ARID4B: variants seen among roughly 807,000 people sequenced by gnomAD.
The protein encoded by ARID4B is AT-rich interaction domain 4B.
ARID4B carries 26 observed loss-of-function variants against 147.5 expected under a neutral mutation model. The observed-to-expected ratio is 0.18, with a 90% confidence interval of 0.13 to 0.24. The LOEUF (loss-of-function observed/expected upper bound fraction) is 0.24. Ranked by LOEUF, ARID4B falls within the 10% of genes least tolerant of loss-of-function variation. The pLI is 1.00. For missense variants in ARID4B, 1,179 were observed against 1,511.5 expected, an observed-to-expected ratio of 0.78 and a Z score of 3.65; for synonymous variants, 512 against 507.9, an observed-to-expected ratio of 1.01 and a Z score of -0.11.
At chr1:235,186,441 C>T (rs767615427) in intron 19 of ARID4B, among the ~76,000 whole-genome samples, 4 of 150,584 alleles carry the variant, frequency 2.7e-5, no homozygotes, top group African/African-American at 9.8e-5. Context: ...GACAGAGTCT[C>T]GCTCTGTTGC....
intron 19 of ARID4B, among the ~76,000 whole-genome samples, chr1:235,186,751 G>T (rs1664712585): frequency 2.0e-5 from 3 of 147,240 alleles, no homozygotes; most frequent in East Asian, 4.1e-4. Context: ...TTTGAGACAG[G>T]GTCTCTCTCT....
intron 2 of ARID4B, among the ~76,000 whole-genome samples, chr1:235,287,089 G>GT (rs1460969074): frequency 6.6e-6 from 1 of 152,064 alleles, no homozygotes; most frequent in Non-Finnish European, 1.5e-5. Flanking sequence ...GTGAAACCCT[G>GT]TCTCTACTAA....
At chr1:235,183,635 C>T (rs933519308) in intron 19 of ARID4B, among the ~76,000 whole-genome samples, 1 of 152,214 alleles carries the variant, frequency 6.6e-6, no homozygotes, top group African/African-American at 2.4e-5. Context: ...CTCCTAGGCT[C>T]AAGAGATCCT....
chr1:235,236,833 A>AAAAATATATATATAT (rs1175189621), intron 8 of ARID4B, among the ~76,000 whole-genome samples: 1 of 33,520 alleles, frequency 3.0e-5, no homozygotes, highest in Non-Finnish European at 4.7e-5. Flanking sequence ...TTTTATAAAA[A>AAAAATATATATATAT]ATATATATAT....
chr1:235,322,887 G>C (rs1282289455), intron 2 of ARID4B, among the ~76,000 whole-genome samples: 1 of 151,904 alleles, frequency 6.6e-6, no homozygotes, highest in East Asian at 1.9e-4. Flanking sequence ...GGTAGGGGGA[G>C]AGAGAGAGAG....
At chr1:235,270,894 A>G (rs1188333501) in intron 2 of ARID4B, among the ~76,000 whole-genome samples, 3 of 152,214 alleles carry the variant, frequency 2.0e-5, no homozygotes, top group Admixed American at 2.0e-4. Flanking sequence ...TTCAAAATTC[A>G]GAATACAAAC....
intron 2 of ARID4B, among the ~76,000 whole-genome samples, chr1:235,293,552 T>C (rs899598509): frequency 6.6e-6 from 1 of 152,084 alleles, no homozygotes; most frequent in Non-Finnish European, 1.5e-5. Context: ...TGTCTACCTA[T>C]AGATAGTATA....
intron 9 of ARID4B, among the ~76,000 whole-genome samples, chr1:235,233,720 A>G (rs1558230167): frequency 6.6e-6 from 1 of 152,220 alleles, no homozygotes; most frequent in African/African-American, 2.4e-5. Flanking sequence ...ATTAGACATA[A>G]CTAGTAGAAG....
intron 2 of ARID4B, among the ~76,000 whole-genome samples, chr1:235,325,610 A>G (rs1430917052): frequency 6.6e-6 from 1 of 152,202 alleles, no homozygotes; most frequent in Non-Finnish European, 1.5e-5. Flanking sequence ...ATCAAGGTAC[A>G]TATACGAGTT....
intron 6 of ARID4B, among the ~76,000 whole-genome samples, chr1:235,251,089 G>C (rs1332252901): frequency 6.6e-6 from 1 of 151,908 alleles, no homozygotes; most frequent in East Asian, 1.9e-4. Flanking sequence ...TAAACCTTCA[G>C]TTTATTCCAC....
chr1:235,180,899 T>C (rs1015160615), intron 20 of ARID4B: 8 of 160,492 alleles, frequency 5.0e-5, no homozygotes, highest in African/African-American at 1.9e-4. Context: ...AGTATGGCTA[T>C]GGCACCATCG....
rs770813343 is a variant in ARID4B, at chr1:235,240,382, T to C, written c.516A>G (p.Leu172=). ...AATCTACACATACAACTTTGCCTAG[T>C]AGCTCATCAATCTGTTTCCTATCAT... ...DEDDRKQIDE[L]LGKVVCVDYI... Residue 172 remains leucine (L), a synonymous_variant, in exon 8 of 24, where the codon CTA becomes CTG. Transcript: ENST00000264183. 25 of 1,613,578 alleles carry C rather than the reference T, an allele frequency of 1.5e-5. No individual in the cohort carries two copies. The Admixed American group carries it at 1.7e-4, about 11-fold the overall frequency.
At chr1:235,210,984 A>C (rs186832289) in intron 17 of ARID4B, among the ~76,000 whole-genome samples, 138 of 152,340 alleles carry the variant, frequency 9.1e-4, no homozygotes, top group African/African-American at 3.0e-3. Context: ...CAGTTTCATG[A>C]ATGACTCAGT....
intron 2 of ARID4B, among the ~76,000 whole-genome samples, chr1:235,314,030 T>C (rs1348686647): frequency 2.0e-5 from 3 of 152,206 alleles, no homozygotes; most frequent in African/African-American, 7.2e-5. Context: ...ATAGCTACAA[T>C]GTATTGAGAA....
intron 19 of ARID4B, among the ~76,000 whole-genome samples, chr1:235,183,511 A>G (rs999478392): frequency 6.6e-6 from 1 of 151,664 alleles, no homozygotes; most frequent in African/African-American, 2.4e-5. Flanking sequence ...CCTGGCCCCA[A>G]GTTTATACTC....
At chr1:235,260,488 T>G (rs1014768208) in intron 3 of ARID4B, among the ~76,000 whole-genome samples, 154 bp downstream of exon 3, 7 of 152,250 alleles carry the variant, frequency 4.6e-5, no homozygotes, top group African/African-American at 1.7e-4. Flanking sequence ...TTATAATACT[T>G]TTAAAATAAC....
At chr1:235,173,742 T>TAAAAAA (rs755815257) in intron 22 of ARID4B, among the ~76,000 whole-genome samples, 1 of 26,262 alleles carries the variant, frequency 3.8e-5, no homozygotes, top group Non-Finnish European at 6.3e-5. Flanking sequence ...CGTCTCTATT[T>TAAAAAA]AAAAAAAAAA....
chr1:235,291,972 T>C (rs1481801733), intron 2 of ARID4B, among the ~76,000 whole-genome samples: 2 of 152,120 alleles, frequency 1.3e-5, no homozygotes, highest in Non-Finnish European at 2.9e-5. Context: ...AGAAGGGAAA[T>C]TTAACAATTG....
intron 2 of ARID4B, among the ~76,000 whole-genome samples, chr1:235,322,439 A>G (rs1315670547): frequency 1.3e-5 from 2 of 152,190 alleles, no homozygotes; most frequent in African/African-American, 4.8e-5. Flanking sequence ...GTTTCCAGAT[A>G]CTTCACCTTG....
Sources: allele counts gnomAD v4.1 joint callset (sites outside exome capture counted in the v4.1 genomes callset), GRCh38; gene constraint gnomAD v4.1.1; transcripts MANE v1.5; gene names NCBI Gene and HGNC (gene_info 2026-07-23, HGNC 2026-07-21).